Variants in ACO2 observed in about 807,000 individuals in gnomAD.
The protein encoded by ACO2 is aconitase 2.
ACO2 carries 31 observed loss-of-function variants against 84.5 expected under a neutral mutation model. The ratio of observed to expected loss-of-function variants is 0.37; its 90% CI spans 0.28 to 0.50. The LOEUF (loss-of-function observed/expected upper bound fraction) is 0.50. Among genes scored for constraint, ACO2 ranks in the 20% least tolerant of loss-of-function variants. The pLI is 0.97. For missense variants in ACO2, 685 were observed against 1,029.3 expected (o/e 0.67, Z 4.58); for synonymous variants, 414 against 412.7 (o/e 1.00, Z -0.04).
intron 1 of ACO2, among the ~76,000 whole-genome samples, chr22:41,469,923 C>G (rs1164732857): frequency 2.6e-5 from 4 of 152,098 alleles, no homozygotes; most frequent in African/African-American, 9.7e-5. Context: ...AAGCATGGGC[C>G]CTACCACCAC....
intron 1 of ACO2, among the ~76,000 whole-genome samples, chr22:41,488,220 G>T (rs1411000141): frequency 6.6e-6 from 1 of 152,120 alleles, no homozygotes; most frequent in East Asian, 1.9e-4. Flanking sequence ...GTCCAATGTG[G>T]TACAACTAGG....
intron 4 of ACO2, chr22:41,512,232 A>G: frequency 2.5e-6 from 1 of 406,996 alleles, no homozygotes; most frequent in Non-Finnish European, 4.4e-6. Flanking sequence ...TTCTTTCCAC[A>G]TTGTCTTCTG....
At chr22:41,476,288 T>A (rs549450521) in intron 1 of ACO2, among the ~76,000 whole-genome samples, 3 of 150,992 alleles carry the variant, frequency 2.0e-5, no homozygotes, top group African/African-American at 7.3e-5. Flanking sequence ...ATGCCTGTAA[T>A]CTCAGTTACT....
intron 14 of ACO2, 26 bp from the exon 15 acceptor site, chr22:41,526,234 CCT>C (rs1466241456): frequency 6.2e-7 from 1 of 1,601,890 alleles, no homozygotes; most frequent in Non-Finnish European, 8.5e-7. Context: ...CATGCCCTGA[CCT>C]CTGTCCTCTC....
rs955767214 is a variant in ACO2 at position 41,528,121 on chromosome 22, A to G, written c.2208+99A>G. The G allele has an allele frequency of 4.9e-5, 75 of 1,543,134 alleles. No individual in the cohort carries two copies. In the South Asian group the frequency reaches 6.1e-4, roughly 13 times the overall value. The stretch of plus-strand genomic sequence containing the variant: ...AGGGTAGCTTCTCCCAGGAGGCTTC[A>G]TTCCAGCTGGAAAGGCCCCCAGTTC... On this transcript the variant is annotated intron_variant, in intron 17 of 17. Transcript: ENST00000216254.
chr22:41,523,004 C>G lies in ACO2; in HGVS notation c.1296+17C>G, dbSNP rs772881111. 1 of 1,613,206 alleles carries G rather than the reference C, an allele frequency of 6.2e-7. No homozygotes were observed. The highest frequency in any genetic ancestry group is 1.3e-5 in the African/African-American group (1 of 74,936). The stretch of plus-strand genomic sequence containing the variant: ...GACGGCTATGTGAGTGCCCATATCC[C>G]CCTGCCCATCTCCCCCACCCCATGC... On this transcript the variant is annotated intron_variant, in intron 10 of 17. Transcript: ENST00000216254.
chr22:41,523,407 C>T (rs2066543723), intron 11 of ACO2, 129 bp downstream of exon 11: 3 of 720,806 alleles, frequency 4.2e-6, no homozygotes, highest in Non-Finnish European at 4.5e-6. Context: ...GGGACTCTTG[C>T]CCATTAGAAG....
At chr22:41,517,478 G>A in intron 6 of ACO2, 49 bp from the exon 7 acceptor site, 3 of 1,530,012 alleles carry the variant, frequency 2.0e-6, no homozygotes, top group Non-Finnish European at 2.7e-6. Context: ...AGGTGTGTGG[G>A]ACCCTGGCCC....
chr22:41,494,472 C>T (rs1024294828), intron 1 of ACO2, among the ~76,000 whole-genome samples: 5 of 148,246 alleles, frequency 3.4e-5, no homozygotes, highest in East Asian at 2.0e-4. Context: ...AGTGCAATGG[C>T]GTGATGTCGG....
chr22:41,497,820 T>G (rs1269204747), intron 1 of ACO2, among the ~76,000 whole-genome samples: 1 of 149,736 alleles, frequency 6.7e-6, no homozygotes. Flanking sequence ...GAGGTGGAGG[T>G]TGCAGTGAGC....
chr22:41,524,614 G>A (rs1169384601), intron 12 of ACO2, among the ~76,000 whole-genome samples: 1 of 152,238 alleles, frequency 6.6e-6, no homozygotes, highest in Non-Finnish European at 1.5e-5. Context: ...GCCCGGCCCT[G>A]CAGGGATGGG....
intron 7 of ACO2, 66 bp from the exon 8 acceptor site, chr22:41,518,415 G>C: frequency 1.6e-6 from 2 of 1,259,982 alleles, no homozygotes; most frequent in Non-Finnish European, 2.3e-6. Flanking sequence ...TCAGGTGGGT[G>C]GTGAGTGAAC....
intron 1 of ACO2, among the ~76,000 whole-genome samples, chr22:41,498,125 A>G (rs896996449): frequency 6.6e-6 from 1 of 152,160 alleles, no homozygotes; most frequent in Non-Finnish European, 1.5e-5. Flanking sequence ...GCCTGGCGAC[A>G]GAGCAAGAAT....
intron 16 of ACO2, 186 bp from the exon 17 acceptor site, chr22:41,527,715 C>T (rs1601937799): frequency 1.0e-6 from 1 of 956,650 alleles, no homozygotes; most frequent in African/African-American, 1.6e-5. Context: ...CAGACCTCAG[C>T]ACCAGCGCAC....
chr22:41,516,350 C>T (rs1253176001), intron 6 of ACO2, among the ~76,000 whole-genome samples: 1 of 152,242 alleles, frequency 6.6e-6, no homozygotes, highest in Non-Finnish European at 1.5e-5. Context: ...GAGCCTCACT[C>T]ACTTCCCTTG....
intron 6 of ACO2, chr22:41,516,197 T>C (rs2066474979): frequency 6.6e-6 from 4 of 606,792 alleles, no homozygotes; most frequent in East Asian, 2.7e-5. Flanking sequence ...CAGCTTCTGC[T>C]GCTGGGCCCA....
rs1439001679 is a variant in ACO2, at chr22:41,515,999, G to A, written c.835+82G>A. On this transcript the variant is annotated intron_variant, in intron 6 of 17. Coordinates refer to ENST00000216254, the MANE Select transcript of ACO2 (RefSeq NM_001098.3). This position sits in a 1 kb window ranked among gnomAD's most constrained non-coding sequence, Gnocchi z 5.8. ...CCAGTTGGGAGTAGAAGCGGTGAAT[G>A]GCCTTCACTTGAGAATCTGTCTGTT... 2 of 1,521,864 alleles carry A rather than the reference G, an allele frequency of 1.3e-6. No homozygotes were observed. Among genetic ancestry groups the A allele is most frequent in the African/African-American group, 2.8e-5 (2 of 72,512 alleles). The allele number at this position is 1,521,864 out of a possible 1,614,324, so 94.3% of individuals were successfully genotyped here.
intron 3 of ACO2, 144 bp from the exon 4 acceptor site, chr22:41,511,732 T>C (rs1412704100): frequency 3.5e-6 from 2 of 578,074 alleles, no homozygotes; most frequent in Non-Finnish European, 6.0e-6. Flanking sequence ...GGAATTATTT[T>C]TAGAAGGTCT....
chr22:41,493,693 G>C (rs2066291057), intron 1 of ACO2, among the ~76,000 whole-genome samples: 1 of 152,238 alleles, frequency 6.6e-6, no homozygotes, highest in South Asian at 2.1e-4. Context: ...TGTAATCCTA[G>C]CACTTTGGGA....
Sources: allele counts gnomAD v4.1 joint callset (sites outside exome capture counted in the v4.1 genomes callset), GRCh38; gene constraint gnomAD v4.1.1; non-coding constraint Gnocchi (gnomAD v3.1); transcripts MANE v1.5; gene names NCBI Gene and HGNC (gene_info 2026-07-23, HGNC 2026-07-21).